Variants in SNX30 observed in about 807,000 individuals in gnomAD.
The protein encoded by SNX30 is sorting nexin family member 30.
In SNX30, 24 loss-of-function variants were observed where a neutral mutation model predicts 46.4. The ratio of observed to expected loss-of-function variants is 0.52; its 90% CI spans 0.37 to 0.73. The LOEUF is 0.73. SNX30 is among the 30% of genes least tolerant of loss of function. The probability of loss-of-function intolerance (pLI) is 0.00; values close to 1 mark genes in which losing one functional copy is unlikely to be tolerated. For missense variants in SNX30, 533 were observed against 555.7 expected (o/e 0.96, Z 0.41); for synonymous variants, 189 against 211.5 (o/e 0.89, Z 0.92).
At chr9:112,767,751 A>T (rs1289080046) in intron 1 of SNX30, among the ~76,000 whole-genome samples, 1 of 151,860 alleles carries the variant, frequency 6.6e-6, no homozygotes, top group African/African-American at 2.4e-5. Context: ...CACCATGTCC[A>T]GCTAATTTTT....
At chr9:112,784,059 T>C (rs1839883993) in intron 1 of SNX30, among the ~76,000 whole-genome samples, 1 of 152,188 alleles carries the variant, frequency 6.6e-6, no homozygotes, top group Non-Finnish European at 1.5e-5. Flanking sequence ...TAATCCTCTG[T>C]AATTTACCTG....
At chr9:112,783,172 G>T (rs1316396803) in intron 1 of SNX30, among the ~76,000 whole-genome samples, 1 of 152,214 alleles carries the variant, frequency 6.6e-6, no homozygotes, top group Non-Finnish European at 1.5e-5. Context: ...TTTCTTGTCC[G>T]GTAGGTAACT....
chr9:112,874,586 A>G lies in SNX30; in HGVS notation c.*5743A>G, dbSNP rs1476394831. On this transcript the variant is annotated 3_prime_UTR_variant, in exon 9 of 9. Transcript: ENST00000374232. ...ACCGTGTAAATGTTACCTTCTCTCC[A>G]TGCTGCCATTATGCCAAAACAAAAG... The G allele has an allele frequency of 3.9e-5, 6 of 152,210 alleles. No homozygotes were observed. Among genetic ancestry groups the G allele is most frequent in the African/African-American group, 1.4e-4 (6 of 41,450 alleles). The allele number at this position is 152,210 out of a possible 1,614,324, so 9.4% of individuals were successfully genotyped here. A position where few individuals can be genotyped will look rare whatever the true frequency, so the allele number is the denominator to read the frequency against.
At chr9:112,788,361 A>C (rs1839964002) in intron 1 of SNX30, among the ~76,000 whole-genome samples, 1 of 152,098 alleles carries the variant, frequency 6.6e-6, no homozygotes, top group South Asian at 2.1e-4. Context: ...TGCAGAGTGC[A>C]CTCCGCGTGT....
At chr9:112,772,433 G>T (rs1839667448) in intron 1 of SNX30, among the ~76,000 whole-genome samples, 1 of 152,150 alleles carries the variant, frequency 6.6e-6, no homozygotes, top group Admixed American at 6.5e-5. Context: ...AACCTAGAAA[G>T]TATCTCATAT....
At chr9:112,752,052 A>G (rs1321535719) in intron 1 of SNX30, among the ~76,000 whole-genome samples, 1 of 152,228 alleles carries the variant, frequency 6.6e-6, no homozygotes, top group Non-Finnish European at 1.5e-5. Context: ...TCTTGTGATC[A>G]AGATTTTCTC....
chr9:112,852,699 T>C (rs1172367226), intron 7 of SNX30, among the ~76,000 whole-genome samples: 1 of 152,212 alleles, frequency 6.6e-6, no homozygotes, highest in Non-Finnish European at 1.5e-5. Flanking sequence ...AGAATTTTGC[T>C]ACCTACCATT....
At chr9:112,828,091 A>C (rs1454922560) in intron 3 of SNX30, among the ~76,000 whole-genome samples, 1 of 152,234 alleles carries the variant, frequency 6.6e-6, no homozygotes, top group African/African-American at 2.4e-5. Flanking sequence ...GGAACAGTAA[A>C]ATTATTTTCC....
chr9:112,766,903 A>G (rs1839547077), intron 1 of SNX30, among the ~76,000 whole-genome samples: 1 of 152,188 alleles, frequency 6.6e-6, no homozygotes, highest in African/African-American at 2.4e-5. Flanking sequence ...ATTGTGAACA[A>G]TGCTGCAATG....
intron 5 of SNX30, among the ~76,000 whole-genome samples, chr9:112,836,654 G>A (rs941709746): frequency 2.6e-5 from 4 of 152,164 alleles, no homozygotes; most frequent in Non-Finnish European, 4.4e-5. Flanking sequence ...CTGCTGATTC[G>A]CCAGGTGTTT....
At chr9:112,883,282 AGGAGAGAATGAAGCAGT>A (rs934797861), downstream of SNX30, among the ~76,000 whole-genome samples, 1 of 152,184 alleles carries the variant, frequency 6.6e-6, no homozygotes, top group Non-Finnish European at 1.5e-5. Flanking sequence ...AGAAGAATTC[AGGAGAGAATGAAGCAGT>A]GGAATGAGCT....
chr9:112,834,819 G>A lies in SNX30; in HGVS notation c.619-1395G>A, dbSNP rs1357406441. On this transcript the variant is annotated intron_variant, in intron 4 of 8. Transcript: ENST00000374232. ...CTGTGGAGGTTATGAGCCAGGAACC[G>A]TGGATTAAACACACACACACACAAA... Among the ~76,000 whole-genome samples the A allele has an allele frequency of 3.0e-5, 4 of 135,430 alleles. No homozygotes were observed. The South Asian group carries it at 7.1e-4, about 24-fold the overall frequency. The allele number at this position is 135,430 out of a possible 152,430, so 88.8% of individuals were successfully genotyped here. A position where few individuals can be genotyped will look rare whatever the true frequency, so the allele number is the denominator to read the frequency against.
chr9:112,878,504 A>T (rs766974368), downstream of SNX30: 4 of 152,178 alleles, frequency 2.6e-5, no homozygotes, highest in African/African-American at 7.2e-5. Context: ...GCTCCCTTAT[A>T]TTAGTGAGGT....
rs1218685241 is a variant in SNX30 at position 112,804,791 on chromosome 9, A to G, written c.172A>G (p.Asn58Asp). 6.2e-7 allele frequency: 1 copy of G among 1,610,024 alleles called. No homozygotes were observed. The highest frequency in any genetic ancestry group is 1.1e-5 in the South Asian group (1 of 90,456). Residue 58 changes from asparagine (N) to aspartate (D), a missense_variant, in exon 2 of 9, where the codon AAC becomes GAC. Asn to Asp is a conservative substitution (Grantham distance 23, BLOSUM62 1). Around this residue, in one of 3 missense-constraint regions of SNX30, gnomAD observed 191 missense variants for 160.3 expected, o/e 1.19. Transcript: ENST00000374232. Reference protein sequence around the residue: ...SFGDKDLILPNGGTPAGTSSP... With the variant: ...SFGDKDLILPDGGTPAGTSSP... The stretch of plus-strand genomic sequence containing the variant: ...CTTCTTTTAGGATCTCATTTTGCCC[A>G]ACGGTGGTACTCCAGCAGGTACTTC...
rs148464028 is a variant in SNX30 at position 112,810,415 on chromosome 9, C to A, written c.348+5448C>A. Among the ~76,000 whole-genome samples the A allele has an allele frequency of 1.8e-3, 268 of 152,104 alleles. 1 individual carries two copies. The highest frequency in any genetic ancestry group is 3.2e-3 in the Non-Finnish European group (220 of 68,006). On this transcript the variant is annotated intron_variant, in intron 2 of 8. Transcript: ENST00000374232. The stretch of plus-strand genomic sequence containing the variant: ...GGGTGAATGGGCAGTGGGGAGGGAA[C>A]AACATTTAGATATTGCTGTAAGTGA...
intron 1 of SNX30, among the ~76,000 whole-genome samples, chr9:112,753,223 T>G (rs903667777): frequency 1.3e-5 from 2 of 152,126 alleles, no homozygotes. Context: ...GACTCAGAAG[T>G]ATGAGCATTT....
chr9:112,875,641 A>ATT (rs1411938937), downstream of SNX30, among the ~76,000 whole-genome samples: 1 of 152,232 alleles, frequency 6.6e-6, no homozygotes, highest in Non-Finnish European at 1.5e-5. Flanking sequence ...AAGCACTTAA[A>ATT]TGTCAGGCAG....
At chr9:112,785,761 G>A (rs1429842020) in intron 1 of SNX30, among the ~76,000 whole-genome samples, 1 of 152,120 alleles carries the variant, frequency 6.6e-6, no homozygotes, top group East Asian at 1.9e-4. Context: ...TTGAACTCCT[G>A]GGCTCAAGCA....
rs2131521883 is a variant in SNX30 at position 112,871,116 on chromosome 9, T to A, written c.*2273T>A. ...TGAAGGGAGGCAGGCACCGTGGGAT[T>A]TGGGCTTGCTCTGCTTGGTCCCCAT... On this transcript the variant is annotated 3_prime_UTR_variant, in exon 9 of 9. Transcript: ENST00000374232. The A allele has an allele frequency of 6.6e-6, 1 of 152,366 alleles. No individual in the cohort carries two copies. The highest frequency in any genetic ancestry group is 2.4e-5 in the African/African-American group (1 of 41,570). The allele number at this position is 152,366 out of a possible 1,614,324, so 9.4% of individuals were successfully genotyped here.
Sources: gnomAD v4.1 joint callset for allele counts (sites outside exome capture counted in the v4.1 genomes callset) on GRCh38, gnomAD v4.1.1 for gene constraint, gnomAD v4.1.1 regional missense constraint, MANE v1.5 for transcripts, NCBI Gene and HGNC (gene_info 2026-07-23, HGNC 2026-07-21) for gene names.